Variants in CHD7 observed in about 807,000 individuals in gnomAD.
CHD7 encodes the protein chromodomain helicase DNA binding protein 7.
CHD7 carries 24 observed loss-of-function variants against 307.3 expected under a neutral mutation model. The ratio of observed to expected loss-of-function variants is 0.08; its 90% confidence interval spans 0.06 to 0.11. CHD7 has a LOEUF of 0.11. Ranked by LOEUF, CHD7 falls within the 10% of genes least tolerant of loss-of-function variation. The probability of loss-of-function intolerance (pLI) is 1.00; values close to 1 mark genes in which losing one functional copy is unlikely to be tolerated. For synonymous variants in CHD7, 1,363 were observed against 1,349.9 expected (o/e 1.01, Z -0.21); for missense variants, 3,106 against 3,727.1 (o/e 0.83, Z 4.34).
At chr8:60,806,512 A>G (rs1213715028) in intron 6 of CHD7, among the ~76,000 whole-genome samples, 1 of 152,244 alleles carries the variant, frequency 6.6e-6, no homozygotes, top group African/African-American at 2.4e-5. Flanking sequence ...AAGCCATCCA[A>G]CAAACATTTC....
intron 32 of CHD7, chr8:60,855,170 C>T (rs1303786304): frequency 6.6e-6 from 1 of 152,152 alleles, no homozygotes; most frequent in Non-Finnish European, 1.5e-5. Context: ...AGCCTACCCC[C>T]CAGGCTCGTC....
Position 60,856,074 on chromosome 8 carries a change from A to G in CHD7, c.7036A>G (p.Ile2346Val), listed in dbSNP as rs955440387. ...CCAGATGTTTGATTTCCAAGGCCTC[A>G]TCCCAGGTTACACACCCACCACAGT... ...RRQMFDFQGL[I>V]PGYTPTTVDS... The change falls in exon 33 of 38, where the codon ATC (isoleucine) becomes GTC (valine). Residue 2346 changes from isoleucine to valine, a missense_variant. This residue lies in a region of CHD7 where 1,030 missense variants were observed against 1,165.4 expected (regional missense o/e 0.88). Transcript: ENST00000423902. 1 of 1,611,690 alleles carries G rather than the reference A, an allele frequency of 6.2e-7. No individual in the cohort carries two copies. The highest frequency in any genetic ancestry group is 8.5e-7 in the Non-Finnish European group (1 of 1,178,860).
intron 2 of CHD7, among the ~76,000 whole-genome samples, chr8:60,775,850 C>T (rs573952385): frequency 7.2e-5 from 11 of 152,270 alleles, no homozygotes; most frequent in African/African-American, 1.2e-4. Context: ...CTCCAACTCC[C>T]GGGTTCAAGC....
At chr8:60,680,453 G>C in intron 1 of CHD7, among the ~76,000 whole-genome samples, 1 of 147,062 alleles carries the variant, frequency 6.8e-6, no homozygotes, top group African/African-American at 2.5e-5. Context: ...GGGTGGGGGC[G>C]CTGGTCGGGA....
chr8:60,773,064 C>G (rs1292532770), intron 2 of CHD7, among the ~76,000 whole-genome samples: 1 of 152,210 alleles, frequency 6.6e-6, no homozygotes, highest in Admixed American at 6.5e-5. Flanking sequence ...ACCCACCTCA[C>G]CAACCTCATA....
intron 1 of CHD7, among the ~76,000 whole-genome samples, chr8:60,740,641 C>T (rs118060386): frequency 0.012 from 1,815 of 152,334 alleles, 19 homozygotes; most frequent in Admixed American, 0.017. Flanking sequence ...TGCTTTTCAA[C>T]ATCATTATGA....
intron 1 of CHD7, among the ~76,000 whole-genome samples, chr8:60,694,687 C>G (rs939828606): frequency 1.3e-5 from 2 of 152,182 alleles, no homozygotes; most frequent in Non-Finnish European, 1.5e-5. Context: ...AGCTATGGCC[C>G]CCAGGGAGAG....
chr8:60,732,997 G>T (rs751106720), intron 1 of CHD7, among the ~76,000 whole-genome samples: 4 of 152,060 alleles, frequency 2.6e-5, no homozygotes, highest in Non-Finnish European at 5.9e-5. Context: ...CACTTTAAGA[G>T]GCTGAGGCAG....
At chr8:60,771,604 G>C (rs1810712414) in intron 2 of CHD7, among the ~76,000 whole-genome samples, 1 of 152,184 alleles carries the variant, frequency 6.6e-6, no homozygotes, top group African/African-American at 2.4e-5. Flanking sequence ...TGGTTTAGCT[G>C]GGTCCTCTAC....
intron 13 of CHD7, chr8:60,825,413 A>C (rs577754045): frequency 3.9e-5 from 6 of 152,338 alleles, no homozygotes; most frequent in Admixed American, 2.6e-4. Flanking sequence ...GATCTGTCTC[A>C]AAGCAGTTGA....
chr8:60,696,977 A>G (rs1806512873), intron 1 of CHD7, among the ~76,000 whole-genome samples: 1 of 152,126 alleles, frequency 6.6e-6, no homozygotes, highest in Non-Finnish European at 1.5e-5. Context: ...AAATCAAGGA[A>G]CATAAGAATA....
rs1301346915 is a variant in CHD7, at chr8:60,860,906, G to A, written c.7611G>A (p.Glu2537=). 1.9e-6 allele frequency: 3 copies of A among 1,609,506 alleles called. No homozygotes were observed. Among genetic ancestry groups the A allele is most frequent in the Non-Finnish European group, 2.5e-6 (3 of 1,177,468 alleles). The stretch of plus-strand genomic sequence containing the variant: ...ATACCATTGTGAACTTTCTGCAGGA[G>A]GATGCTGAGGTGACCAAAGCTTTTG... ...MSHKRTSLSA[E]DAEVTKAFEE... The change falls in exon 35 of 38, where the codon GAG becomes GAA. Residue 2537 remains glutamate, a splice_region_variant and synonymous_variant. Coordinates refer to ENST00000423902, the MANE Select transcript of CHD7 (RefSeq NM_017780.4).
Position 60,690,090 on chromosome 8 carries a change from C to T in CHD7, c.-175+11008C>T, listed in dbSNP as rs1020873442. ...ACACACAGGACAACAGACTGTCTTC[C>T]GCAGTCATACACTCAGTCATATTCT... is the stretch of plus-strand genomic sequence containing the variant. On this transcript the variant is annotated intron_variant, in intron 1 of 37. Coordinates refer to ENST00000423902, the MANE Select transcript of CHD7 (RefSeq NM_017780.4). Among the ~76,000 whole-genome samples, 35 of 152,168 alleles carry T rather than the reference C, an allele frequency of 2.3e-4. 1 individual carries two copies. Among genetic ancestry groups the T allele is most frequent in the Admixed American group, 1.8e-3 (27 of 15,292 alleles).
chr8:60,855,917 C>CT (rs1414711961), intron 32 of CHD7, 58 bp from the exon 33 acceptor site: 1 of 1,121,292 alleles, frequency 8.9e-7, no homozygotes, highest in East Asian at 2.6e-5. Flanking sequence ...ATGTATTTAT[C>CT]TAGTAATTTT....
intron 2 of CHD7, among the ~76,000 whole-genome samples, chr8:60,749,903 C>T (rs1224501355): frequency 2.6e-5 from 4 of 152,194 alleles, no homozygotes; most frequent in Non-Finnish European, 5.9e-5. Context: ...CTTTTGACTA[C>T]TTCAATTTAT....
At chr8:60,715,239 C>T (rs1375017834) in intron 1 of CHD7, among the ~76,000 whole-genome samples, 1 of 151,730 alleles carries the variant, frequency 6.6e-6, no homozygotes, top group Non-Finnish European at 1.5e-5. Flanking sequence ...CTAGATGAAC[C>T]ATCGCTGGCT....
intron 1 of CHD7, among the ~76,000 whole-genome samples, chr8:60,737,579 A>G (rs949733797): frequency 1.3e-5 from 2 of 152,122 alleles, no homozygotes; most frequent in Admixed American, 6.5e-5. Context: ...TGATTCTGTT[A>G]GTTGAGTGGT....
intron 1 of CHD7, among the ~76,000 whole-genome samples, chr8:60,721,490 T>C (rs906570863): frequency 2.0e-5 from 3 of 152,246 alleles, no homozygotes; most frequent in Non-Finnish European, 4.4e-5. Flanking sequence ...GAGTTTGTTA[T>C]GGAACTCTGG....
chr8:60,822,692 T>A lies in CHD7; in HGVS notation c.3147T>A (p.Ser1049Arg). The A allele has an allele frequency of 6.2e-7, 1 of 1,613,412 alleles. No homozygotes were observed. Among genetic ancestry groups the A allele is most frequent in the Non-Finnish European group, 8.5e-7 (1 of 1,179,622 alleles). The change falls in exon 12 of 38, where the codon AGT (serine) becomes AGA (arginine). Residue 1049 changes from serine to arginine, a missense_variant. Coordinates refer to ENST00000423902, the MANE Select transcript of CHD7 (RefSeq NM_017780.4). Reference protein sequence around the residue: ...TELNVVVYHGSQASRRTIQLY... With the variant: ...TELNVVVYHGRQASRRTIQLY... ...TGAACGTGGTTGTGTATCATGGGAG[T>A]CAAGCTAGTCGTCGGACCATTCAGT...
Sources: gnomAD v4.1 joint callset for allele counts (sites outside exome capture counted in the v4.1 genomes callset) on GRCh38, gnomAD v4.1.1 for gene constraint, gnomAD v4.1.1 regional missense constraint, MANE v1.5 for transcripts, NCBI Gene and HGNC (gene_info 2026-07-23, HGNC 2026-07-21) for gene names.